The following ALDH1L2 variants were observed in gnomAD, a reference collection of about 807,000 sequenced individuals.
ALDH1L2 encodes mitochondrial 10-formyltetrahydrofolate dehydrogenase.
A neutral mutation model predicts 111.0 loss-of-function variants in ALDH1L2; 91 were observed. That is an observed-to-expected ratio of 0.82 (90% confidence interval 0.69 to 0.98). ALDH1L2 has a LOEUF of 0.98. Among genes scored for constraint, ALDH1L2 ranks in the 50% least tolerant of loss-of-function variants. The pLI, the probability that ALDH1L2 is intolerant of heterozygous loss-of-function variation, is 0.00. For missense variants in ALDH1L2, 995 were observed against 1,126.8 expected, an observed-to-expected ratio of 0.88 and a Z score of 1.67; for synonymous variants, 374 against 392.6, an observed-to-expected ratio of 0.95 and a Z score of 0.56.
At chr12:105,062,182 A>C (rs1195185895) in intron 7 of ALDH1L2, among the ~76,000 whole-genome samples, 1 of 152,248 alleles carries the variant, frequency 6.6e-6, no homozygotes, top group Non-Finnish European at 1.5e-5. Context: ...CATGTGCTGA[A>C]GGATCTTACC....
At chr12:105,072,707 C>G (rs1235951249) in intron 2 of ALDH1L2, among the ~76,000 whole-genome samples, 1 of 152,222 alleles carries the variant, frequency 6.6e-6, no homozygotes, top group Non-Finnish European at 1.5e-5. Context: ...GGCGTGGTGG[C>G]TCATGCCTGT....
intron 18 of ALDH1L2, among the ~76,000 whole-genome samples, chr12:105,037,208 C>T (rs1307838964): frequency 2.1e-5 from 3 of 143,212 alleles, no homozygotes; most frequent in Non-Finnish European, 3.0e-5. Context: ...AGAACTAGGC[C>T]AATTTTTTTT....
chr12:105,074,634 T>C (rs1190020624), intron 1 of ALDH1L2, among the ~76,000 whole-genome samples: 1 of 152,176 alleles, frequency 6.6e-6, no homozygotes, highest in Non-Finnish European at 1.5e-5. Context: ...TTAGGATGTT[T>C]ATCCCCCTCC....
Position 105,034,328 on chromosome 12 carries a change from G to T in ALDH1L2, c.2216C>A (p.Ser739Tyr), listed in dbSNP as rs563145341. The T allele has an allele frequency of 6.2e-7, 1 of 1,613,798 alleles. No homozygotes were observed. The highest frequency in any genetic ancestry group is 1.7e-5 in the Admixed American group (1 of 59,976). ...IAAGRLFVEE[S>Y]IHDEFVTRVV... ...TCTTGTCACAAATTCGTCGTGGATG[G>T]ATTCTTCCACGAACAACCGCCCAGC... The change falls in exon 19 of 23, where the codon TCC becomes TAC. Residue 739 changes from serine (S) to tyrosine (Y), a missense_variant. Ser to Tyr is a moderately radical substitution (Grantham distance 144, BLOSUM62 -2). Transcript: ENST00000258494.
chr12:105,049,576 CACTCTCTTCT>C (rs144693515), intron 13 of ALDH1L2: 1,944 of 163,784 alleles, frequency 0.012, 49 homozygotes, highest in African/African-American at 0.044. Context: ...GGAGTGGATT[CACTCTCTTCT>C]ACTCTTCTGC....
At chr12:105,038,253 C>A (rs767828330) in intron 17 of ALDH1L2, 51 bp from the exon 18 acceptor site, 1 of 775,234 alleles carries the variant, frequency 1.3e-6, no homozygotes, top group Non-Finnish European at 2.1e-6. Flanking sequence ...CTCTCTCTCT[C>A]TCTCTCTCAC....
At chr12:105,026,500 G>T in intron 22 of ALDH1L2, 45 bp downstream of exon 22, 1 of 1,604,692 alleles carries the variant, frequency 6.2e-7, no homozygotes, top group Non-Finnish European at 8.5e-7. Context: ...ATTTTTCTGT[G>T]ATGTGACAAC....
intron 17 of ALDH1L2, among the ~76,000 whole-genome samples, chr12:105,039,411 T>G (rs759491846): frequency 6.6e-6 from 1 of 152,226 alleles, no homozygotes; most frequent in African/African-American, 2.4e-5. Flanking sequence ...TTTTTGGTTT[T>G]TTACCCATAC....
chr12:105,052,197 G>A lies in ALDH1L2; in HGVS notation c.1428C>T (p.Tyr476=), dbSNP rs557211630. ...TDGSTICKVS[Y]ASLADVDKAV... The stretch of plus-strand genomic sequence containing the variant: ...CTTTATCAACATCCGCCAAAGAAGC[G>A]TAGGATACTTTGCATATTGTCTATT... Residue 476 remains tyrosine (Y), a synonymous_variant, in exon 12 of 23, where the codon TAC becomes TAT. Transcript: ENST00000258494. 196 of 1,606,278 alleles carry A rather than the reference G, an allele frequency of 1.2e-4. 1 individual carries two copies. The highest frequency in any genetic ancestry group is 1.7e-4 in the South Asian group (15 of 89,428).
chr12:105,072,744 T>G (rs1877808610), intron 2 of ALDH1L2, among the ~76,000 whole-genome samples: 1 of 152,232 alleles, frequency 6.6e-6, no homozygotes, highest in South Asian at 2.1e-4. Flanking sequence ...GAGGCCAAGG[T>G]GGGCGGATCA....
chr12:105,060,860 G>C, intron 9 of ALDH1L2, 121 bp downstream of exon 9: 1 of 530,394 alleles, frequency 1.9e-6, no homozygotes, highest in East Asian at 3.7e-5. Flanking sequence ...ATGAGTCATA[G>C]ATAGGTATGA....
chr12:105,026,738 G>A lies in ALDH1L2; in HGVS notation c.2523C>T (p.Ile841=), dbSNP rs143634333. ...TATTTGCTCGCTGCAACACTCCATC[G>A]ATGTCCCTGTGTTTTTAGGAAGACA... ...MVISKFQNGD[I]DGVLQRANST... The change falls in exon 22 of 23, where the codon ATC becomes ATT. Residue 841 remains isoleucine (I), a synonymous_variant. Coordinates refer to ENST00000258494, the MANE Select transcript of ALDH1L2 (RefSeq NM_001034173.4). 10 of 1,613,824 alleles carry A rather than the reference G, an allele frequency of 6.2e-6. No individual in the cohort carries two copies. The highest frequency in any genetic ancestry group is 3.3e-5 in the South Asian group (3 of 91,022).
At chr12:105,029,313 G>T (rs1224883498) in intron 21 of ALDH1L2, among the ~76,000 whole-genome samples, 1 of 152,160 alleles carries the variant, frequency 6.6e-6, no homozygotes, top group Non-Finnish European at 1.5e-5. Flanking sequence ...CAGGCATGAG[G>T]TGCAGAGTGG....
At chr12:105,055,207 A>T (rs1484615597) in intron 10 of ALDH1L2, among the ~76,000 whole-genome samples, 1 of 152,206 alleles carries the variant, frequency 6.6e-6, no homozygotes, top group Admixed American at 6.5e-5. Flanking sequence ...CTGCTGGAGC[A>T]CTGAAGGTAT....
chr12:105,074,457 CCAAAAAAAA>C (rs1488616000), intron 1 of ALDH1L2, among the ~76,000 whole-genome samples: 4 of 93,710 alleles, frequency 4.3e-5, no homozygotes, highest in African/African-American at 1.3e-4. Flanking sequence ...GACTCTGTCT[CCAAAAAAAA>C]AAAAAAAAAA....
chr12:105,072,816 A>G (rs1038080373), intron 2 of ALDH1L2, among the ~76,000 whole-genome samples: 1 of 152,164 alleles, frequency 6.6e-6, no homozygotes, highest in Non-Finnish European at 1.5e-5. Context: ...TCTACTAAAA[A>G]TACAAAAATT....
intron 4 of ALDH1L2, among the ~76,000 whole-genome samples, chr12:105,067,716 A>G (rs1163854726): frequency 6.6e-6 from 1 of 152,152 alleles, no homozygotes; most frequent in Non-Finnish European, 1.5e-5. Flanking sequence ...CCCACCCAAG[A>G]GCACACGGAG....
chr12:105,080,099 A>G (rs1298713194), intron 1 of ALDH1L2, among the ~76,000 whole-genome samples: 1 of 152,246 alleles, frequency 6.6e-6, no homozygotes, highest in East Asian at 1.9e-4. Flanking sequence ...GGCAATGAAT[A>G]TCATGGTACA....
At chr12:105,058,417 C>T (rs1876773273) in intron 9 of ALDH1L2, among the ~76,000 whole-genome samples, 197 bp from the exon 10 acceptor site, 1 of 152,106 alleles carries the variant, frequency 6.6e-6, no homozygotes, top group Non-Finnish European at 1.5e-5. Flanking sequence ...TCTTGAAGGA[C>T]AGTGGCAGTT....
Sources: gnomAD v4.1 joint callset for allele counts (sites outside exome capture counted in the v4.1 genomes callset) on GRCh38, gnomAD v4.1.1 for gene constraint, MANE v1.5 for transcripts, NCBI Gene and HGNC (gene_info 2026-07-23, HGNC 2026-07-21) for gene names.